JAKMIP1: variants seen among roughly 807,000 people sequenced by gnomAD.
The protein encoded by JAKMIP1 is janus kinase and microtubule-interacting protein 1.
In JAKMIP1, 33 loss-of-function variants were observed where a neutral mutation model predicts 113.0. The observed-to-expected ratio is 0.29, with a 90% CI of 0.22 to 0.39. The LOEUF (loss-of-function observed/expected upper bound fraction) is 0.39, where lower values mean the gene tolerates loss of function less well. Among genes scored for constraint, JAKMIP1 ranks in the 10% least tolerant of loss-of-function variants. JAKMIP1 has a pLI of 1.00. For synonymous variants in JAKMIP1, 480 were observed against 459.9 expected, an observed-to-expected ratio of 1.04 and a Z score of -0.56; for missense variants, 813 against 1,080.5, an observed-to-expected ratio of 0.75 and a Z score of 3.47.
Position 6,097,977 on chromosome 4 carries a change from A to T in JAKMIP1, c.624+7496T>A, listed in dbSNP as rs1877763. 0.94 allele frequency among the ~76,000 whole-genome samples: 142,450 copies of T among 152,082 alleles called. 67,322 individuals carry two copies. The highest frequency in any genetic ancestry group is 1 in the East Asian group (5,177 of 5,178). Reference sequence around the variant, plus strand: ...GGCTCACTTACATTGTGGGACAGAAAAGCGGTAACTGTGACTTGAATCAGA... The same window carrying T: ...GGCTCACTTACATTGTGGGACAGAATAGCGGTAACTGTGACTTGAATCAGA... On this transcript the variant is annotated intron_variant, in intron 3 of 20. Transcript: ENST00000409021. This position sits in a 1 kb window ranked among gnomAD's most constrained non-coding sequence, Gnocchi z 4.3.
intron 1 of JAKMIP1, among the ~76,000 whole-genome samples, chr4:6,177,327 T>C (rs1403251389): frequency 1.3e-5 from 2 of 152,152 alleles, no homozygotes; most frequent in African/African-American, 4.8e-5. Context: ...CTAATCCAAA[T>C]GTACATAGAA....
At chr4:6,098,712 GAAAGAAAGAA>G (rs780420190) in intron 3 of JAKMIP1, among the ~76,000 whole-genome samples, 2 of 8,610 alleles carry the variant, frequency 2.3e-4, no homozygotes, top group South Asian at 5.5e-3. Flanking sequence ...AAGAAAGAAA[GAAAGAAAGAA>G]AAAGAAAGAA....
chr4:6,162,385 C>G lies in JAKMIP1; in HGVS notation c.-148+37868G>C, dbSNP rs1723076914. Among the ~76,000 whole-genome samples the G allele has an allele frequency of 6.6e-6, 1 of 152,202 alleles. No individual in the cohort carries two copies. The highest frequency in any genetic ancestry group is 6.5e-5 in the Admixed American group (1 of 15,284). On this transcript the variant is annotated intron_variant, in intron 1 of 20. Coordinates refer to ENST00000409021, the MANE Select transcript of JAKMIP1 (RefSeq NM_001099433.2). The surrounding 1 kb of genome is among the most constrained non-coding windows in gnomAD (Gnocchi z 5.6). The stretch of plus-strand genomic sequence containing the variant: ...GAAACTCTCGGCACCCATTTTAGCC[C>G]AACCCTGGTCTTTGCTGGTGAGGGT...
At chr4:6,098,552 AAGAAAG>A (rs752924621) in intron 3 of JAKMIP1, among the ~76,000 whole-genome samples, 11,892 of 32,634 alleles carry the variant, frequency 0.36, 737 homozygotes, top group Non-Finnish European at 0.52. Context: ...AAGAAAAAGA[AAGAAAG>A]AAAGAAAGAA....
chr4:6,080,410 G>A lies in JAKMIP1; in HGVS notation c.1102-98C>T, dbSNP rs990766317. 1.4e-6 allele frequency: 2 copies of A among 1,384,398 alleles called. No individual in the cohort carries two copies. The highest frequency in any genetic ancestry group is 2.1e-5 in the Admixed American group (1 of 46,590). 85.8% of individuals were successfully genotyped at this position (1,384,398 alleles called of 1,614,324 possible). Reference sequence around the variant, plus strand: ...GAGCTCAGGGGTGCAGGGACAGAAGGATGGATGGGAGGATGAAAGAGATGA... The same window carrying A: ...GAGCTCAGGGGTGCAGGGACAGAAGAATGGATGGGAGGATGAAAGAGATGA... On this transcript the variant is annotated intron_variant, in intron 6 of 20. Transcript: ENST00000409021. The surrounding 1 kb of genome is among the most constrained non-coding windows in gnomAD (Gnocchi z 6.0).
intron 8 of JAKMIP1, among the ~76,000 whole-genome samples, chr4:6,070,989 C>CA (rs1200513139): frequency 2.6e-5 from 4 of 152,096 alleles, no homozygotes; most frequent in African/African-American, 9.7e-5. Flanking sequence ...GACTTTACCA[C>CA]AAAAAAGTAA....
intron 2 of JAKMIP1, among the ~76,000 whole-genome samples, 166 bp downstream of exon 2, chr4:6,112,556 C>A (rs1715103586): frequency 6.6e-6 from 1 of 152,184 alleles, no homozygotes; most frequent in South Asian, 2.1e-4. Flanking sequence ...AGACTCCTGC[C>A]CAGCAGTCTC....
chr4:6,163,723 T>C (rs1192604317), intron 1 of JAKMIP1, among the ~76,000 whole-genome samples: 2 of 152,232 alleles, frequency 1.3e-5, no homozygotes, highest in Non-Finnish European at 1.5e-5. Flanking sequence ...GGGAAAGTTC[T>C]TGAAGGAAAT....
chr4:6,026,761 C>T (rs1177555859), intron 20 of JAKMIP1, among the ~76,000 whole-genome samples: 2 of 152,162 alleles, frequency 1.3e-5, no homozygotes, highest in South Asian at 2.1e-4. Flanking sequence ...GCCTACACCA[C>T]GCTTGCCCAA....
chr4:6,140,869 C>G lies in JAKMIP1; in HGVS notation c.-147-27872G>C. On this transcript the variant is annotated intron_variant, in intron 1 of 20. Coordinates refer to ENST00000409021, the MANE Select transcript of JAKMIP1 (RefSeq NM_001099433.2). This position sits in a 1 kb window ranked among gnomAD's most constrained non-coding sequence, Gnocchi z 9.4. ...GCACTGGTTGGAGCTCATCTGTCCT[C>G]AGCACAGTGCCTGGTGTATGGTAGA... Among the ~76,000 whole-genome samples the G allele has an allele frequency of 6.6e-6, 1 of 152,202 alleles. No individual in the cohort carries two copies. The highest frequency in any genetic ancestry group is 1.9e-4 in the East Asian group (1 of 5,190).
chr4:6,157,087 T>A lies in JAKMIP1; in HGVS notation c.-148+43166A>T, dbSNP rs571470282. ...AGTGGATTCCTGATAAAAAGCTGAG[T>A]TCAGCCCCCTTCTCAGCTCTCTCTC... On this transcript the variant is annotated intron_variant, in intron 1 of 20. Coordinates refer to ENST00000409021, the MANE Select transcript of JAKMIP1 (RefSeq NM_001099433.2). This position sits in a 1 kb window ranked among gnomAD's most constrained non-coding sequence, Gnocchi z 4.7. Among the ~76,000 whole-genome samples the A allele has an allele frequency of 6.6e-6, 1 of 152,300 alleles. No homozygotes were observed. The highest frequency in any genetic ancestry group is 6.5e-5 in the Admixed American group (1 of 15,300).
At position 6,176,755 on chromosome 4, in the gene JAKMIP1, G is replaced by A. The variant is rs568334916; in HGVS notation, c.-148+23498C>T. 2.4e-4 allele frequency among the ~76,000 whole-genome samples: 36 copies of A among 152,314 alleles called. No individual in the cohort carries two copies. The highest frequency in any genetic ancestry group is 3.4e-3 in the Middle Eastern group (1 of 294). On this transcript the variant is annotated intron_variant, in intron 1 of 20. Coordinates refer to ENST00000409021, the MANE Select transcript of JAKMIP1 (RefSeq NM_001099433.2). The surrounding 1 kb of genome is among the most constrained non-coding windows in gnomAD (Gnocchi z 5.5). ...TATATCAAAGTGGTGGGAAAAGCTG[G>A]GCGCCATGGCTCACACCTGTAATCC...
At chr4:6,171,600 AGTAT>A (rs1724733361) in intron 1 of JAKMIP1, among the ~76,000 whole-genome samples, 1 of 152,108 alleles carries the variant, frequency 6.6e-6, no homozygotes, top group Admixed American at 6.5e-5. Context: ...TCCCCCCCCA[AGTAT>A]GTGTCTAGTA....
rs1282031350 is a variant in JAKMIP1 at position 6,178,761 on chromosome 4, T to C, written c.-148+21492A>G. Among the ~76,000 whole-genome samples, 1 of 152,202 alleles carries C rather than the reference T, an allele frequency of 6.6e-6. No individual in the cohort carries two copies. The highest frequency in any genetic ancestry group is 1.5e-5 in the Non-Finnish European group (1 of 68,036). On this transcript the variant is annotated intron_variant, in intron 1 of 20. Transcript: ENST00000409021. The surrounding 1 kb of genome is among the most constrained non-coding windows in gnomAD (Gnocchi z 5.5). ...AATGTGAGGACAGACTAATATACCC[T>C]ACCAAATTCTCTAGGTCATGTCTCC...
chr4:6,059,807 C>A lies in JAKMIP1; in HGVS notation c.1644+617G>T, dbSNP rs570611957. Among the ~76,000 whole-genome samples the A allele has an allele frequency of 1.3e-5, 2 of 152,244 alleles. No individual in the cohort carries two copies. The highest frequency in any genetic ancestry group is 4.8e-5 in the African/African-American group (2 of 41,550). On this transcript the variant is annotated intron_variant, in intron 11 of 20. Coordinates refer to ENST00000409021, the MANE Select transcript of JAKMIP1 (RefSeq NM_001099433.2). This position sits in a 1 kb window ranked among gnomAD's most constrained non-coding sequence, Gnocchi z 4.8. ...CTGACACAGAGGAGGCCGACCCATACGAACCTTCGCATGCCACCCCGAGAG... is the reference window on the plus strand; with the variant it reads ...CTGACACAGAGGAGGCCGACCCATAAGAACCTTCGCATGCCACCCCGAGAG...
chr4:6,125,301 C>T lies in JAKMIP1; in HGVS notation c.-147-12304G>A, dbSNP rs576759937. ...CCACCCGGGCTGGCTGACCCCTCACCTAGGACCCTCCCATCCCAAGGGCAA... is the reference window on the plus strand; with the variant it reads ...CCACCCGGGCTGGCTGACCCCTCACTTAGGACCCTCCCATCCCAAGGGCAA... On this transcript the variant is annotated intron_variant, in intron 1 of 20. Transcript: ENST00000409021. Among the ~76,000 whole-genome samples the T allele has an allele frequency of 2.0e-5, 3 of 152,186 alleles. No individual in the cohort carries two copies. In the South Asian group the frequency reaches 6.2e-4, roughly 32 times the overall value.
intron 5 of JAKMIP1, among the ~76,000 whole-genome samples, chr4:6,083,634 TGGAA>T (rs943188623): frequency 1.6e-4 from 25 of 151,886 alleles, no homozygotes; most frequent in African/African-American, 4.6e-4. Context: ...TTAAAAATAC[TGGAA>T]GGAAGTAAAT....
chr4:6,131,456 A>G (rs555706723), intron 1 of JAKMIP1, among the ~76,000 whole-genome samples: 3 of 151,830 alleles, frequency 2.0e-5, no homozygotes, highest in Admixed American at 6.6e-5. Flanking sequence ...GGGGCCTGGC[A>G]TGGTGGCTCA....
rs1302061268 is a variant in JAKMIP1 at position 6,044,104 on chromosome 4, C to T, written c.2029-1877G>A. 2.6e-5 allele frequency among the ~76,000 whole-genome samples: 4 copies of T among 152,030 alleles called. No individual in the cohort carries two copies. Among genetic ancestry groups the T allele is most frequent in the Non-Finnish European group, 5.9e-5 (4 of 68,022 alleles). On this transcript the variant is annotated intron_variant, in intron 16 of 20. Coordinates refer to ENST00000409021, the MANE Select transcript of JAKMIP1 (RefSeq NM_001099433.2). This position sits in a 1 kb window ranked among gnomAD's most constrained non-coding sequence, Gnocchi z 4.4. ...TGTCACCTCCTCCAGGAAGCCTACC[C>T]TGCTTGAGTCCGTGGGGTCAGCTAA...
Sources: gnomAD v4.1 joint callset for allele counts (sites outside exome capture counted in the v4.1 genomes callset) on GRCh38, gnomAD v4.1.1 for gene constraint, Gnocchi (gnomAD v3.1) non-coding constraint, MANE v1.5 for transcripts, NCBI Gene and HGNC (gene_info 2026-07-23, HGNC 2026-07-21) for gene names.